NR5A2: variants seen among roughly 807,000 people sequenced by gnomAD.
The protein encoded by NR5A2 is CYP7A promoter-binding factor.
Under a neutral mutation model 62.7 loss-of-function variants are expected in NR5A2, and 26 were observed. That is an observed-to-expected ratio of 0.41 (90% CI 0.30 to 0.58). NR5A2 has a LOEUF of 0.58. Among genes scored for constraint, NR5A2 ranks in the 20% least tolerant of loss-of-function variants. The pLI is 0.22. For missense variants in NR5A2, 541 were observed against 669.1 expected (o/e 0.81, Z 2.11); for synonymous variants, 246 against 241.7 (o/e 1.02, Z -0.16).
At position 200,051,888 on chromosome 1, in the gene NR5A2, A is replaced by G. The variant is rs556519284; in HGVS notation, c.1110+3070A>G. 4.1e-4 allele frequency among the ~76,000 whole-genome samples: 62 copies of G among 152,272 alleles called. 1 individual carries two copies. In the South Asian group the frequency reaches 0.012, roughly 30 times the overall value. ...CACAGTAGGAAATGTATTTTATGGC[A>G]GGACATAGTGTACCAAACACATCAC... is the stretch of plus-strand genomic sequence containing the variant. On this transcript the variant is annotated intron_variant, in intron 5 of 7. Coordinates refer to ENST00000367362, the MANE Select transcript of NR5A2 (RefSeq NM_205860.3).
chr1:200,036,265 A>G (rs1181816649), intron 1 of NR5A2, among the ~76,000 whole-genome samples: 2 of 152,110 alleles, frequency 1.3e-5, no homozygotes, highest in Non-Finnish European at 2.9e-5. Context: ...CCCATCTTAG[A>G]CACCGCAAAC....
At chr1:200,053,164 G>A (rs929651063) in intron 5 of NR5A2, among the ~76,000 whole-genome samples, 2 of 152,160 alleles carry the variant, frequency 1.3e-5, no homozygotes, top group East Asian at 1.9e-4. Context: ...CATAGAAACC[G>A]TGGAATTTCA....
chr1:200,124,227 T>C lies in NR5A2; in HGVS notation c.1378+3272T>C, dbSNP rs1477456552. 8.5e-5 allele frequency among the ~76,000 whole-genome samples: 13 copies of C among 152,342 alleles called. No homozygotes were observed. The East Asian group carries it at 2.5e-3, about 29-fold the overall frequency. ...AAGTCTAGGGTGTGTTTGGGGCTTC[T>C]GGATGTCTAGCTGGAATAGAAACAT... On this transcript the variant is annotated intron_variant, in intron 7 of 7. Transcript: ENST00000367362.
At position 200,163,112 on chromosome 1, in the gene NR5A2, C is replaced by T. The variant is rs535653529; in HGVS notation, c.1379-10851C>T. ...GCTTGGCACTACAAGCCAAAGCACC[C>T]AGCCAAAAAGTCCTCTTTGAATCCA... On this transcript the variant is annotated intron_variant, in intron 7 of 7. Coordinates refer to ENST00000367362, the MANE Select transcript of NR5A2 (RefSeq NM_205860.3). 4.6e-5 allele frequency among the ~76,000 whole-genome samples: 7 copies of T among 152,084 alleles called. No individual in the cohort carries two copies. In the South Asian group the frequency reaches 1.5e-3, roughly 32 times the overall value.
intron 7 of NR5A2, among the ~76,000 whole-genome samples, chr1:200,125,997 A>G (rs969914690): frequency 6.6e-6 from 1 of 151,758 alleles, no homozygotes; most frequent in African/African-American, 2.4e-5. Context: ...TACAGGTCAC[A>G]CTCATTGCCT....
At chr1:200,119,498 A>C (rs774960014) in intron 6 of NR5A2, among the ~76,000 whole-genome samples, 3 of 152,238 alleles carry the variant, frequency 2.0e-5, no homozygotes, top group Non-Finnish European at 4.4e-5. Flanking sequence ...TCAGGTACCA[A>C]CTGGGCTTTC....
At chr1:200,145,100 A>G (rs1023695569) in intron 7 of NR5A2, among the ~76,000 whole-genome samples, 1 of 152,160 alleles carries the variant, frequency 6.6e-6, no homozygotes, top group Admixed American at 6.5e-5. Flanking sequence ...TCACAAGGTC[A>G]GGAGTTCAAG....
intron 1 of NR5A2, among the ~76,000 whole-genome samples, chr1:200,032,939 T>G (rs2737660): frequency 0.3 from 45,006 of 151,984 alleles, 9,013 homozygotes; most frequent in African/African-American, 0.57. Context: ...TTTCCTCCAA[T>G]GGACATTTCG....
At position 200,059,595 on chromosome 1, in the gene NR5A2, A is replaced by T. The variant is rs577584776; in HGVS notation, c.1110+10777A>T. Among the ~76,000 whole-genome samples the T allele has an allele frequency of 1.2e-4, 19 of 152,298 alleles. 1 individual carries two copies. In the South Asian group the frequency reaches 3.9e-3, roughly 32 times the overall value. ...CCTGAGCCCCCTGTTCCCTGTCTGCACACTGTCATACAAAGTCACAGAATA... is the reference window on the plus strand; with the variant it reads ...CCTGAGCCCCCTGTTCCCTGTCTGCTCACTGTCATACAAAGTCACAGAATA... On this transcript the variant is annotated intron_variant, in intron 5 of 7. Transcript: ENST00000367362.
chr1:200,096,406 C>G (rs1349746338), intron 5 of NR5A2, among the ~76,000 whole-genome samples: 1 of 152,090 alleles, frequency 6.6e-6, no homozygotes. Flanking sequence ...CTTCCTGACA[C>G]TCAAACACAA....
rs927148807 is a variant in NR5A2, at chr1:200,042,871, G to A, written c.203-903G>A. ...TGCGAAGACGCCTTCGTGGGTCTGC[G>A]TCCGGAGCAAGGCGGTTACCCGATC... On this transcript the variant is annotated intron_variant, in intron 2 of 7. Transcript: ENST00000367362. 5 of 985,428 alleles carry A rather than the reference G, an allele frequency of 5.1e-6. No homozygotes were observed. The African/African-American group carries it at 7.0e-5, about 14-fold the overall frequency. 61.0% of individuals were successfully genotyped at this position (985,428 alleles called of 1,614,324 possible). A position where few individuals can be genotyped will look rare whatever the true frequency, so the allele number is the denominator to read the frequency against.
chr1:200,100,280 A>G (rs1665304151), intron 5 of NR5A2, among the ~76,000 whole-genome samples: 1 of 151,982 alleles, frequency 6.6e-6, no homozygotes, highest in Non-Finnish European at 1.5e-5. Context: ...CACCTGAAAT[A>G]TTTTCCTTCG....
intron 7 of NR5A2, among the ~76,000 whole-genome samples, chr1:200,171,208 C>A (rs760057897): frequency 6.6e-6 from 1 of 152,140 alleles, no homozygotes; most frequent in Non-Finnish European, 1.5e-5. Flanking sequence ...AATAGACATT[C>A]GGCAAGTAAG....
chr1:200,154,525 TCCA>T (rs765971087), intron 7 of NR5A2, among the ~76,000 whole-genome samples: 37 of 152,080 alleles, frequency 2.4e-4, no homozygotes, highest in Non-Finnish European at 3.8e-4. Flanking sequence ...CCCACCACTG[TCCA>T]CCACTTGCAA....
chr1:200,139,882 G>T (rs1393431723), intron 7 of NR5A2, among the ~76,000 whole-genome samples: 3 of 152,196 alleles, frequency 2.0e-5, no homozygotes. Flanking sequence ...ATCCCTAAGA[G>T]TTGTGTGGTA....
At chr1:200,164,043 A>T (rs1468258105) in intron 7 of NR5A2, among the ~76,000 whole-genome samples, 1 of 151,478 alleles carries the variant, frequency 6.6e-6, no homozygotes, top group Non-Finnish European at 1.5e-5. Context: ...TTCTTGCCAG[A>T]TCTGGTAATT....
chr1:200,035,209 G>A (rs911675700), intron 1 of NR5A2, among the ~76,000 whole-genome samples: 1 of 152,062 alleles, frequency 6.6e-6, no homozygotes, highest in African/African-American at 2.4e-5. Context: ...AGGTAGATAT[G>A]TGGGACGAAA....
At chr1:200,073,530 A>G (rs1663852234) in intron 5 of NR5A2, among the ~76,000 whole-genome samples, 1 of 151,870 alleles carries the variant, frequency 6.6e-6, no homozygotes, top group South Asian at 2.1e-4. Flanking sequence ...AGAGAGTATA[A>G]GTAGTTGTTA....
chr1:200,139,655 T>C (rs2102342542), intron 7 of NR5A2, among the ~76,000 whole-genome samples: 1 of 152,354 alleles, frequency 6.6e-6, no homozygotes, highest in Middle Eastern at 3.4e-3. Context: ...TCATCTAATT[T>C]TCAGCCATAC....
Sources: gnomAD v4.1 joint callset for allele counts (sites outside exome capture counted in the v4.1 genomes callset) on GRCh38, gnomAD v4.1.1 for gene constraint, MANE v1.5 for transcripts, NCBI Gene and HGNC (gene_info 2026-07-23, HGNC 2026-07-21) for gene names.